Variants in PIGN observed in about 807,000 individuals in gnomAD.
PIGN encodes the protein GPI ethanolamine phosphate transferase 1.
In PIGN, 117 loss-of-function variants were observed where a neutral mutation model predicts 125.4. The ratio of observed to expected loss-of-function variants is 0.93; its 90% CI spans 0.80 to 1.09. The LOEUF is 1.09. Among genes scored for constraint, PIGN ranks in the 50% least tolerant of loss-of-function variants. The pLI is 0.00. For missense variants in PIGN, 1,075 were observed against 1,094.9 expected (o/e 0.98, Z 0.26); for synonymous variants, 392 against 377.8 (o/e 1.04, Z -0.44).
Position 62,140,459 on chromosome 18 carries a change from C to A in PIGN, c.984G>T (p.Met328Ile). ...DVNQADIAPL[M>I]TSLIGVPFPL... ...GAAAGGGAACTCCAATAAGGGAAGT[C>A]ATCAATGGTGCAATATCAGCCTACA... The change falls in exon 12 of 31, where the codon ATG (methionine) becomes ATT (isoleucine). Residue 328 changes from methionine (M) to isoleucine (I), a missense_variant. Transcript: ENST00000640252. 1 of 1,556,092 alleles carries A rather than the reference C, an allele frequency of 6.4e-7. No individual in the cohort carries two copies. Among genetic ancestry groups the A allele is most frequent in the South Asian group, 1.2e-5 (1 of 85,188 alleles).
At chr18:62,148,427 G>C in intron 7 of PIGN, 89 bp from the exon 8 acceptor site, 1 of 906,584 alleles carries the variant, frequency 1.1e-6, no homozygotes, top group Non-Finnish European at 1.6e-6. Context: ...TTATGCATAA[G>C]TACAAAATTA....
At chr18:62,046,473 T>C (rs542573113) in intron 30 of PIGN, among the ~76,000 whole-genome samples, 11 of 82,436 alleles carry the variant, frequency 1.3e-4, no homozygotes, top group Admixed American at 1.7e-4. Flanking sequence ...TGAACTGTGC[T>C]TGCAAGGGAT....
At chr18:62,144,424 T>C (rs567943596) in intron 10 of PIGN, among the ~76,000 whole-genome samples, 2 of 152,178 alleles carry the variant, frequency 1.3e-5, no homozygotes, top group South Asian at 4.1e-4. Flanking sequence ...CCTCAAATGA[T>C]CTACCTCTTG....
chr18:62,117,116 T>G (rs1472823302), intron 14 of PIGN, among the ~76,000 whole-genome samples: 1 of 152,118 alleles, frequency 6.6e-6, no homozygotes, highest in Non-Finnish European at 1.5e-5. Flanking sequence ...TTGCAATATA[T>G]CTGGAATTCA....
rs2034805106 is a variant in PIGN, at chr18:62,109,873, CCATATA to C, written c.1529_1534del (p.Val510_Tyr511del). The C allele has an allele frequency of 1.2e-6, 2 of 1,612,914 alleles. No individual in the cohort carries two copies. Among genetic ancestry groups the C allele is most frequent in the Non-Finnish European group, 1.7e-6 (2 of 1,179,252 alleles). On this transcript the variant is annotated inframe_deletion, in exon 17 of 31. Transcript: ENST00000640252. ...ATACCATATTGGCAGTGGCAACAAA[CCATATA>C]CATAATATGTCCAGGGACAGGCTTG...
intron 27 of PIGN, among the ~76,000 whole-genome samples, chr18:62,083,118 G>T (rs940940672): frequency 1.3e-5 from 2 of 151,920 alleles, no homozygotes; most frequent in Non-Finnish European, 2.9e-5. Context: ...TATATAACCT[G>T]ATAATTTGAT....
intron 14 of PIGN, chr18:62,138,006 T>C: frequency 2.0e-6 from 1 of 491,026 alleles, no homozygotes; most frequent in South Asian, 2.8e-5. Flanking sequence ...TTCACCTGCT[T>C]AATATTTCTC....
intron 30 of PIGN, among the ~76,000 whole-genome samples, chr18:62,069,204 G>A (rs1318743016): frequency 6.6e-6 from 1 of 152,052 alleles, no homozygotes; most frequent in Non-Finnish European, 1.5e-5. Context: ...GAAAAAACAC[G>A]CCAGGTAAAG....
chr18:62,086,473 C>T (rs530512085), intron 25 of PIGN, among the ~76,000 whole-genome samples: 30 of 152,108 alleles, frequency 2.0e-4, no homozygotes, highest in Admixed American at 5.9e-4. Context: ...AAAAATTAGC[C>T]GGTCCTGGTG....
chr18:62,085,387 T>A (rs1024017754), intron 25 of PIGN, 123 bp from the exon 26 acceptor site: 6 of 689,408 alleles, frequency 8.7e-6, no homozygotes, highest in African/African-American at 5.5e-5. Flanking sequence ...CCATGAATTG[T>A]TTTCAATGAA....
chr18:62,024,129 T>C (rs1432803576), intron 23 of PIGN, among the ~76,000 whole-genome samples: 1 of 152,218 alleles, frequency 6.6e-6, no homozygotes, highest in Non-Finnish European at 1.5e-5. Flanking sequence ...AGAAACCACT[T>C]GAATAGGCTG....
rs1907613884 is a variant in PIGN, at chr18:62,168,097, T to C, written c.-235-4441A>G. Reference sequence around the variant, plus strand: ...CACTTGGGACGCTGAGGCAGGAGAATTGCTTGAACCCCGGAGGCAGAGGTT... The same window carrying C: ...CACTTGGGACGCTGAGGCAGGAGAACTGCTTGAACCCCGGAGGCAGAGGTT... On this transcript the variant is annotated intron_variant, in intron 1 of 30. Transcript: ENST00000640252. 3.3e-5 allele frequency among the ~76,000 whole-genome samples: 5 copies of C among 151,926 alleles called. No homozygotes were observed. In the South Asian group the frequency reaches 1.0e-3, roughly 32 times the overall value.
At chr18:62,183,410 T>C (rs1414270222) in intron 1 of PIGN, among the ~76,000 whole-genome samples, 2 of 152,160 alleles carry the variant, frequency 1.3e-5, no homozygotes, top group Non-Finnish European at 2.9e-5. Flanking sequence ...CTCACATCAC[T>C]GGCCCCTTCT....
chr18:62,153,844 C>CT (rs1245459415), intron 7 of PIGN: 1 of 152,008 alleles, frequency 6.6e-6, no homozygotes, highest in Non-Finnish European at 1.5e-5. Context: ...GTTCAAAAGA[C>CT]ATTACTAGAA....
intron 23 of PIGN, among the ~76,000 whole-genome samples, chr18:62,034,347 C>A (rs760797950): frequency 6.6e-6 from 1 of 152,184 alleles, no homozygotes; most frequent in Non-Finnish European, 1.5e-5. Context: ...TGTGTTGGAG[C>A]TCCCACACAG....
chr18:62,110,888 T>A (rs999769209), intron 16 of PIGN, among the ~76,000 whole-genome samples: 4 of 141,430 alleles, frequency 2.8e-5, no homozygotes, highest in African/African-American at 7.7e-5. Context: ...TGTATATATA[T>A]TATATATATA....
chr18:62,136,012 C>T (rs1351342350), intron 14 of PIGN: 2 of 152,154 alleles, frequency 1.3e-5, no homozygotes, highest in Non-Finnish European at 2.9e-5. Flanking sequence ...TCTATGAATG[C>T]AAAGCCTTTG....
intron 7 of PIGN, among the ~76,000 whole-genome samples, chr18:62,148,664 G>C (rs762354760): frequency 6.6e-6 from 1 of 152,120 alleles, no homozygotes; most frequent in Non-Finnish European, 1.5e-5. Context: ...ATTTTGGCAA[G>C]AGTCAAAAAT....
chr18:62,103,295 A>T (rs1392180579), intron 20 of PIGN, among the ~76,000 whole-genome samples: 1 of 152,080 alleles, frequency 6.6e-6, no homozygotes, highest in South Asian at 2.1e-4. Flanking sequence ...ATCAGTATCT[A>T]CAACATGTAT....
Sources: gnomAD v4.1 joint callset for allele counts (sites outside exome capture counted in the v4.1 genomes callset) on GRCh38, gnomAD v4.1.1 for gene constraint, MANE v1.5 for transcripts, NCBI Gene and HGNC (gene_info 2026-07-23, HGNC 2026-07-21) for gene names.